C12orf42: variants seen among roughly 807,000 people sequenced by gnomAD.
The protein encoded by C12orf42 is uncharacterized protein C12orf42.
In C12orf42, 25 loss-of-function variants were observed where a neutral mutation model predicts 21.6. The ratio of observed to expected loss-of-function variants is 1.16; its 90% confidence interval spans 0.84 to 1.62. The LOEUF is 1.62. C12orf42 is among the 40% of genes most tolerant of loss of function. C12orf42 has a pLI of 0.00. For missense variants in C12orf42, 483 were observed against 459.3 expected (o/e 1.05, Z -0.47); for synonymous variants, 174 against 175.0 (o/e 0.99, Z 0.05).
At chr12:103,506,915 A>AATATTTATAT in the C12orf42 span, among the ~76,000 whole-genome samples, 1 of 43,054 alleles carries the variant, frequency 2.3e-5, no homozygotes, top group African/African-American at 1.3e-4. Context: ...TTATATATAT[A>AATATTTATAT]TTTATATATT....
chr12:103,310,383 T>C (rs1195240661), intron 4 of C12orf42, among the ~76,000 whole-genome samples: 1 of 152,206 alleles, frequency 6.6e-6, no homozygotes, highest in Non-Finnish European at 1.5e-5. Context: ...GTCTCAGGTA[T>C]TTCTTTATAG....
At chr12:103,422,991 T>C (rs1462236255) in intron 2 of C12orf42, among the ~76,000 whole-genome samples, 2 of 152,228 alleles carry the variant, frequency 1.3e-5, no homozygotes, top group Non-Finnish European at 2.9e-5. Context: ...TCATTATATA[T>C]GTTTGTCTTT....
the C12orf42 span, among the ~76,000 whole-genome samples, chr12:103,054,996 T>C: frequency 6.6e-6 from 1 of 151,912 alleles, no homozygotes; most frequent in Admixed American, 6.6e-5. Flanking sequence ...GATTTTTGCG[T>C]CTATATTCAT....
the C12orf42 span, among the ~76,000 whole-genome samples, chr12:103,156,616 T>C: frequency 0.016 from 2,470 of 152,110 alleles, 77 homozygotes; most frequent in African/African-American, 0.057. Flanking sequence ...GTCCTCTAAG[T>C]TCCTTCCTCT....
In C12orf42 at chr12:103,246,558, G is replaced by A. The variant is rs1593201556; in HGVS notation, c.*1367-8656C>T. ...AAAAAAAAAGATGTCACTGTTTGCC[G>A]ACAGTGTGGATATAACCCTTGGAAC... is the stretch of plus-strand genomic sequence containing the variant. On this transcript the variant is annotated intron_variant and NMD_transcript_variant, in intron 10 of 10. Transcript: ENST00000547347. 2.0e-5 allele frequency among the ~76,000 whole-genome samples: 3 copies of A among 152,122 alleles called. No individual in the cohort carries two copies. In the South Asian group the frequency reaches 6.2e-4, roughly 32 times the overall value.
At chr12:103,331,943 G>A (rs2041273375) in intron 4 of C12orf42, among the ~76,000 whole-genome samples, 1 of 152,304 alleles carries the variant, frequency 6.6e-6, no homozygotes, top group Admixed American at 6.5e-5. Context: ...TGAGAACAGG[G>A]GAAAATGTAC....
At chr12:103,537,061 C>T in the C12orf42 span, among the ~76,000 whole-genome samples, 82 of 151,838 alleles carry the variant, frequency 5.4e-4, no homozygotes, top group African/African-American at 1.8e-3. Context: ...AGTGCCTGGC[C>T]CATAGCTCAT....
intron 2 of C12orf42, among the ~76,000 whole-genome samples, chr12:103,454,189 T>C (rs1400052305): frequency 6.6e-6 from 1 of 152,136 alleles, no homozygotes; most frequent in Non-Finnish European, 1.5e-5. Context: ...GTTTCTTAAA[T>C]TTCTAGGCAT....
At chr12:103,441,717 A>G (rs995506519) in intron 2 of C12orf42, 1 of 152,348 alleles carries the variant, frequency 6.6e-6, no homozygotes, top group South Asian at 2.1e-4. Flanking sequence ...GTCTGGCATC[A>G]TATTCAGATG....
the C12orf42 span, among the ~76,000 whole-genome samples, chr12:103,090,988 A>G: frequency 6.6e-6 from 1 of 152,130 alleles, no homozygotes; most frequent in African/African-American, 2.4e-5. Context: ...GTGTAAAAAA[A>G]AAAAAAGAAT....
chr12:103,431,921 G>A (rs1409712541), intron 2 of C12orf42, among the ~76,000 whole-genome samples: 2 of 152,158 alleles, frequency 1.3e-5, no homozygotes, highest in African/African-American at 2.4e-5. Flanking sequence ...GCAGGAGTGA[G>A]TTTATTTTGA....
chr12:103,278,203 G>A (rs983904252), intron 4 of C12orf42, among the ~76,000 whole-genome samples: 11 of 151,990 alleles, frequency 7.2e-5, no homozygotes, highest in Admixed American at 3.9e-4. Flanking sequence ...ACAATGGGGG[G>A]GCTATGTCTA....
At chr12:103,492,452 T>C (rs932539204) in intron 1 of C12orf42, among the ~76,000 whole-genome samples, 1 of 152,236 alleles carries the variant, frequency 6.6e-6, no homozygotes, top group African/African-American at 2.4e-5. Flanking sequence ...CTTCTTTCCA[T>C]AAACTTGCTC....
chr12:103,341,627 CAAACT>C (rs1017049090), intron 4 of C12orf42, among the ~76,000 whole-genome samples: 1 of 152,038 alleles, frequency 6.6e-6, no homozygotes, highest in Non-Finnish European at 1.5e-5. Flanking sequence ...AGCCTTAAAC[CAAACT>C]AAAGTAATAC....
chr12:103,408,222 G>A (rs1459177487), intron 2 of C12orf42, among the ~76,000 whole-genome samples: 1 of 152,188 alleles, frequency 6.6e-6, no homozygotes, highest in Non-Finnish European at 1.5e-5. Context: ...GAGTGACATG[G>A]AAATATAGGC....
chr12:103,330,950 C>A (rs2041190916), intron 4 of C12orf42, among the ~76,000 whole-genome samples: 1 of 152,034 alleles, frequency 6.6e-6, no homozygotes, highest in Non-Finnish European at 1.5e-5. Flanking sequence ...AGAAAGTAGC[C>A]AAAGATAATC....
chr12:103,120,702 T>C, the C12orf42 span, among the ~76,000 whole-genome samples: 1 of 150,154 alleles, frequency 6.7e-6, no homozygotes, highest in East Asian at 1.9e-4. Flanking sequence ...CTATGATTAT[T>C]ATTACTATAA....
intron 3 of C12orf42, among the ~76,000 whole-genome samples, chr12:103,380,014 G>A (rs1051216661): frequency 6.6e-6 from 1 of 152,114 alleles, no homozygotes; most frequent in Non-Finnish European, 1.5e-5. Context: ...CGTTAGTGAG[G>A]CCTTACGTAA....
upstream of C12orf42, among the ~76,000 whole-genome samples, chr12:103,499,181 A>C (rs943944503): frequency 2.0e-5 from 3 of 152,122 alleles, no homozygotes; most frequent in African/African-American, 7.2e-5. Context: ...AGTTCTGGTG[A>C]TCTAATATAC....
Sources: gnomAD v4.1 joint callset for allele counts (sites outside exome capture counted in the v4.1 genomes callset) on GRCh38, gnomAD v4.1.1 for gene constraint, MANE v1.5 for transcripts, NCBI Gene and HGNC (gene_info 2026-07-23, HGNC 2026-07-21) for gene names.